The following MFAP3L variants were observed in gnomAD, a reference collection of about 807,000 sequenced individuals.
The protein encoded by MFAP3L is microfibrillar-associated protein 3-like.
Under a neutral mutation model 20.0 loss-of-function variants are expected in MFAP3L, and 5 were observed. That is an observed-to-expected ratio of 0.25 (90% CI 0.13 to 0.53). The LOEUF (loss-of-function observed/expected upper bound fraction) is 0.53, where lower values mean the gene tolerates loss of function less well. MFAP3L is among the 20% of genes least tolerant of loss of function. The pLI is 0.96. For missense variants in MFAP3L, 409 were observed against 527.5 expected (o/e 0.78, Z 2.20); for synonymous variants, 219 against 213.0 (o/e 1.03, Z -0.25).
chr4:170,025,155 T>C (rs2111091288), intron 1 of MFAP3L, among the ~76,000 whole-genome samples: 1 of 152,356 alleles, frequency 6.6e-6, no homozygotes, highest in East Asian at 1.9e-4. Context: ...AATTGCACTT[T>C]CTGTGTAAGT....
intron 1 of MFAP3L, among the ~76,000 whole-genome samples, chr4:170,013,062 C>A (rs1161160520): frequency 6.6e-6 from 1 of 152,076 alleles, no homozygotes; most frequent in Non-Finnish European, 1.5e-5. Context: ...CCAGAGATGC[C>A]ATCTTCATAA....
intron 1 of MFAP3L, among the ~76,000 whole-genome samples, chr4:170,011,007 C>T (rs1183992925): frequency 6.6e-6 from 1 of 152,162 alleles, no homozygotes; most frequent in African/African-American, 2.4e-5. Context: ...GGGTGGTTTC[C>T]ACCATATTGT....
chr4:170,014,732 A>G (rs1165264709), intron 1 of MFAP3L, among the ~76,000 whole-genome samples: 2 of 152,056 alleles, frequency 1.3e-5, no homozygotes, highest in African/African-American at 2.4e-5. Flanking sequence ...CTTGATAATG[A>G]AAGAGCCCTT....
upstream of MFAP3L, chr4:170,026,402 A>C (rs1054284928): frequency 3.7e-6 from 2 of 544,836 alleles, no homozygotes; most frequent in African/African-American, 4.1e-5. Flanking sequence ...GGCTGCCGGG[A>C]GCGCGGAGCT....
intron 1 of MFAP3L, among the ~76,000 whole-genome samples, chr4:170,023,058 T>G (rs554509967): frequency 4.6e-5 from 7 of 152,110 alleles, no homozygotes; most frequent in Admixed American, 2.6e-4. Context: ...CTTCCTGGAG[T>G]GTCTACTCTG....
intron 2 of MFAP3L, chr4:169,993,783 T>A (rs1017872935): frequency 6.6e-6 from 1 of 151,994 alleles, no homozygotes; most frequent in South Asian, 2.1e-4. Flanking sequence ...TGTCCCTGAG[T>A]AACCCTTTTC....
At chr4:170,020,902 T>C (rs1325768849) in intron 1 of MFAP3L, among the ~76,000 whole-genome samples, 1 of 152,070 alleles carries the variant, frequency 6.6e-6, no homozygotes, top group East Asian at 1.9e-4. Context: ...TTTTGCACAT[T>C]TGACCCTTCA....
In MFAP3L at chr4:169,986,965, ACTTT is replaced by A. The variant is rs1174008202; in HGVS notation, c.*4409_*4412del. The A allele has an allele frequency of 9.9e-5, 15 of 152,174 alleles. No homozygotes were observed. The highest frequency in any genetic ancestry group is 3.9e-4 in the Admixed American group (6 of 15,272). 9.4% of individuals were successfully genotyped at this position (152,174 alleles called of 1,614,324 possible). Reference sequence around the variant, plus strand: ...TGCCAGAATATTCTTAGAACTATTTACTTTCTATTTTTACATTCTCTAGCTTCAA... The same window carrying A: ...TGCCAGAATATTCTTAGAACTATTTACTATTTTTACATTCTCTAGCTTCAA... On this transcript the variant is annotated 3_prime_UTR_variant, in exon 3 of 3. Coordinates refer to ENST00000361618, the MANE Select transcript of MFAP3L (RefSeq NM_021647.8).
intron 1 of MFAP3L, among the ~76,000 whole-genome samples, chr4:170,012,065 G>C (rs1052337175): frequency 2.0e-5 from 3 of 152,080 alleles, no homozygotes; most frequent in African/African-American, 7.2e-5. Context: ...CAAGGATGGG[G>C]GCACTCACAG....
rs1168095498 is a variant in MFAP3L, at chr4:169,992,686, A to G, written c.299-377T>C. 6.6e-6 allele frequency among the ~76,000 whole-genome samples: 1 copy of G among 152,242 alleles called. No individual in the cohort carries two copies. Among genetic ancestry groups the G allele is most frequent in the East Asian group, 1.9e-4 (1 of 5,196 alleles). On this transcript the variant is annotated intron_variant, in intron 2 of 2. Coordinates refer to ENST00000361618, the MANE Select transcript of MFAP3L (RefSeq NM_021647.8). The surrounding 1 kb of genome is among the most constrained non-coding windows in gnomAD (Gnocchi z 4.3). ...ACTCCACATCCTAGTGAAAAATGAG[A>G]GAAACAATCTGGAAAACACTGTGCT... is the stretch of plus-strand genomic sequence containing the variant.
chr4:169,997,049 A>G (rs1319294671), intron 2 of MFAP3L, among the ~76,000 whole-genome samples: 1 of 150,676 alleles, frequency 6.6e-6, no homozygotes, highest in African/African-American at 2.5e-5. Context: ...GCCAAGCGTG[A>G]GAAGTTTAAA....
chr4:170,008,762 C>T (rs1739195365), intron 1 of MFAP3L, among the ~76,000 whole-genome samples: 1 of 152,180 alleles, frequency 6.6e-6, no homozygotes, highest in Admixed American at 6.5e-5. Flanking sequence ...TGTGCACCTA[C>T]CAAACTTGAC....
At chr4:170,006,963 C>T (rs949338247) in intron 1 of MFAP3L, 2 of 152,218 alleles carry the variant, frequency 1.3e-5, no homozygotes, top group Admixed American at 1.3e-4. Flanking sequence ...GGGAACATCA[C>T]CAGACATTAC....
chr4:170,017,045 TG>T (rs2111056942), intron 1 of MFAP3L, among the ~76,000 whole-genome samples: 1 of 152,364 alleles, frequency 6.6e-6, no homozygotes, highest in African/African-American at 2.4e-5. Context: ...TGTCTGTGGT[TG>T]TTTGATTAAG....
At chr4:170,010,360 G>T (rs1739297187) in intron 1 of MFAP3L, among the ~76,000 whole-genome samples, 1 of 151,980 alleles carries the variant, frequency 6.6e-6, no homozygotes, top group Admixed American at 6.6e-5. Context: ...CACCTTTCAG[G>T]ATCAGCATAG....
chr4:169,991,182 T>C lies in MFAP3L; in HGVS notation c.*196A>G, dbSNP rs567974731. The C allele has an allele frequency of 1.1e-5, 7 of 609,000 alleles. No homozygotes were observed. The Admixed American group carries it at 2.2e-4, about 19-fold the overall frequency. The allele number at this position is 609,000 out of a possible 1,614,324, so 37.7% of individuals were successfully genotyped here. A position where few individuals can be genotyped will look rare whatever the true frequency, so the allele number is the denominator to read the frequency against. On this transcript the variant is annotated 3_prime_UTR_variant, in exon 3 of 3. Coordinates refer to ENST00000361618, the MANE Select transcript of MFAP3L (RefSeq NM_021647.8). This position sits in a 1 kb window ranked among gnomAD's most constrained non-coding sequence, Gnocchi z 4.9. Reference sequence around the variant, plus strand: ...CTGGTATCAATTCTGCACCCTGATGTTTCTCGCACCCTTCTCTACTGGGGA... The same window carrying C: ...CTGGTATCAATTCTGCACCCTGATGCTTCTCGCACCCTTCTCTACTGGGGA...
chr4:170,002,550 A>AC (rs1340858618), intron 2 of MFAP3L, among the ~76,000 whole-genome samples: 1 of 151,950 alleles, frequency 6.6e-6, no homozygotes, highest in African/African-American at 2.4e-5. Context: ...TCGTTCTGTC[A>AC]CCAGGCTCGA....
chr4:169,995,105 A>C (rs1381930417), intron 2 of MFAP3L: 1 of 152,238 alleles, frequency 6.6e-6, no homozygotes, highest in Non-Finnish European at 1.5e-5. Context: ...ATTCCTCTGG[A>C]AACAATCATC....
chr4:170,004,363 G>A (rs1738891925), intron 2 of MFAP3L, among the ~76,000 whole-genome samples: 1 of 152,084 alleles, frequency 6.6e-6, no homozygotes, highest in Non-Finnish European at 1.5e-5. Context: ...CTCTTGGTGG[G>A]TAAAAGTTCG....
Sources: allele counts gnomAD v4.1 joint callset (sites outside exome capture counted in the v4.1 genomes callset), GRCh38; gene constraint gnomAD v4.1.1; non-coding constraint Gnocchi (gnomAD v3.1); transcripts MANE v1.5; gene names NCBI Gene and HGNC (gene_info 2026-07-23, HGNC 2026-07-21).